Variants in GALNT13 observed in about 807,000 individuals in gnomAD.
GALNT13 encodes the protein polypeptide N-acetylgalactosaminyltransferase 13, also known as UDP-GalNAc:polypeptide N-acetylgalactosaminyltransferase 13.
A neutral mutation model predicts 64.2 loss-of-function variants in GALNT13; 28 were observed. That is an observed-to-expected ratio of 0.44 (90% confidence interval 0.32 to 0.60). GALNT13 has a LOEUF of 0.60. Among genes scored for constraint, GALNT13 ranks in the 20% least tolerant of loss-of-function variants. GALNT13 has a pLI of 0.05. For missense variants in GALNT13, 577 were observed against 669.8 expected (o/e 0.86, Z 1.53); for synonymous variants, 214 against 224.6 (o/e 0.95, Z 0.42).
intron 3 of GALNT13, among the ~76,000 whole-genome samples, chr2:154,090,073 T>C (rs1175984745): frequency 6.6e-6 from 1 of 152,104 alleles, no homozygotes; most frequent in East Asian, 1.9e-4. Flanking sequence ...ATGTAAACAA[T>C]ATTATCATTT....
At chr2:153,411,350 A>G in the GALNT13 span, among the ~76,000 whole-genome samples, 1 of 152,100 alleles carries the variant, frequency 6.6e-6, no homozygotes. Flanking sequence ...AATACATTTC[A>G]GTGAATTAGG....
chr2:154,150,506 A>G (rs1683929407), intron 4 of GALNT13, among the ~76,000 whole-genome samples: 1 of 152,232 alleles, frequency 6.6e-6, no homozygotes, highest in African/African-American at 2.4e-5. Flanking sequence ...AAGGAATGGT[A>G]CCAGTTCCTC....
chr2:153,641,990 A>G, the GALNT13 span, among the ~76,000 whole-genome samples: 2 of 151,974 alleles, frequency 1.3e-5, no homozygotes, highest in Non-Finnish European at 2.9e-5. Flanking sequence ...TGCTTCAATC[A>G]TATGTTAAAT....
chr2:153,362,553 CAAAAA>C, the GALNT13 span, among the ~76,000 whole-genome samples: 136 of 80,304 alleles, frequency 1.7e-3, 2 homozygotes, highest in Middle Eastern at 8.9e-3. Context: ...AAATGGAGAG[CAAAAA>C]AAAAAAAAAA....
At chr2:153,122,117 T>C in the GALNT13 span, among the ~76,000 whole-genome samples, 1 of 152,162 alleles carries the variant, frequency 6.6e-6, no homozygotes, top group Non-Finnish European at 1.5e-5. Context: ...ATTTAGTTAA[T>C]GTTGGCATGA....
At chr2:154,287,887 C>T (rs1249548984) in intron 8 of GALNT13, among the ~76,000 whole-genome samples, 1 of 152,150 alleles carries the variant, frequency 6.6e-6, no homozygotes, top group Admixed American at 6.5e-5. Context: ...CTCTCCCAGT[C>T]TTGCTAGACT....
At chr2:154,418,309 A>G (rs995943046) in intron 11 of GALNT13, among the ~76,000 whole-genome samples, 1 of 152,194 alleles carries the variant, frequency 6.6e-6, no homozygotes, top group Non-Finnish European at 1.5e-5. Flanking sequence ...AAAGATACCC[A>G]TGTTCTAACC....
At chr2:154,254,023 G>C (rs2113478) in intron 7 of GALNT13, among the ~76,000 whole-genome samples, 1 of 152,284 alleles carries the variant, frequency 6.6e-6, no homozygotes, top group Admixed American at 6.5e-5. Flanking sequence ...AAGGGGAAGA[G>C]TATGTCTTGA....
rs141100682 is a variant in GALNT13 at position 154,019,270 on chromosome 2, T to G, written c.142+74631T>G. Among the ~76,000 whole-genome samples the G allele has an allele frequency of 3.6e-3, 550 of 152,180 alleles. 4 individuals carry two copies. Among genetic ancestry groups the G allele is most frequent in the African/African-American group, 0.013 (521 of 41,510 alleles). On this transcript the variant is annotated intron_variant, in intron 3 of 12. Coordinates refer to ENST00000392825, the MANE Select transcript of GALNT13 (RefSeq NM_052917.4). The stretch of plus-strand genomic sequence containing the variant: ...TTAAAAATCAAATGGATTGTTTAGG[T>G]TTTTGAACATTTAAAGCCATTTAAT...
chr2:153,704,188 A>T, the GALNT13 span, among the ~76,000 whole-genome samples: 1 of 152,180 alleles, frequency 6.6e-6, no homozygotes. Flanking sequence ...CATTACCAGA[A>T]CATTAAAAAC....
the GALNT13 span, among the ~76,000 whole-genome samples, chr2:153,759,341 CTAT>C: frequency 1.3e-5 from 2 of 152,112 alleles, no homozygotes; most frequent in East Asian, 3.9e-4. Flanking sequence ...ACTTTCAGCA[CTAT>C]AGTGAAGAGG....
chr2:153,263,605 A>G, the GALNT13 span, among the ~76,000 whole-genome samples: 1 of 152,190 alleles, frequency 6.6e-6, no homozygotes, highest in Non-Finnish European at 1.5e-5. Flanking sequence ...AGACACATAG[A>G]CAAATGGAAC....
chr2:153,630,808 T>TATATATTTA, the GALNT13 span, among the ~76,000 whole-genome samples: 5 of 16,980 alleles, frequency 2.9e-4, no homozygotes, highest in African/African-American at 4.9e-4. Context: ...TATATATATA[T>TATATATTTA]TTTTTTTTTT....
chr2:153,544,126 A>G, the GALNT13 span, among the ~76,000 whole-genome samples: 1 of 152,210 alleles, frequency 6.6e-6, no homozygotes, highest in East Asian at 1.9e-4. Context: ...ACGTACAGAG[A>G]AAGATGGAAA....
intron 4 of GALNT13, among the ~76,000 whole-genome samples, chr2:154,201,519 A>T (rs1687169894): frequency 6.6e-6 from 1 of 152,060 alleles, no homozygotes; most frequent in Admixed American, 6.6e-5. Context: ...TACTTTATTT[A>T]AAGTGTCATG....
the GALNT13 span, among the ~76,000 whole-genome samples, chr2:153,358,209 T>C: frequency 1.3e-5 from 2 of 152,304 alleles, no homozygotes; most frequent in South Asian, 2.1e-4. Context: ...ACATGCACTA[T>C]GATGAGATGT....
the GALNT13 span, among the ~76,000 whole-genome samples, chr2:153,093,644 T>C: frequency 6.6e-6 from 1 of 152,180 alleles, no homozygotes; most frequent in East Asian, 1.9e-4. Flanking sequence ...TTTTCTTTTT[T>C]TGATGTGTGT....
chr2:153,661,684 C>G, the GALNT13 span, among the ~76,000 whole-genome samples: 298 of 152,240 alleles, frequency 2.0e-3, 2 homozygotes, highest in Non-Finnish European at 1.8e-3. Flanking sequence ...AGAGATGATG[C>G]AAATGAGTTT....
chr2:153,902,470 C>T (rs540068830), intron 2 of GALNT13, among the ~76,000 whole-genome samples: 9 of 152,184 alleles, frequency 5.9e-5, no homozygotes, highest in Admixed American at 2.6e-4. Context: ...GAAACTTTGT[C>T]ATTAGTTTGA....
Sources: gnomAD v4.1 joint callset for allele counts (sites outside exome capture counted in the v4.1 genomes callset) on GRCh38, gnomAD v4.1.1 for gene constraint, MANE v1.5 for transcripts, NCBI Gene and HGNC (gene_info 2026-07-23, HGNC 2026-07-21) for gene names.